Variants in VPS13C observed in about 807,000 individuals in gnomAD.
VPS13C encodes the protein intermembrane lipid transfer protein VPS13C.
VPS13C carries 358 observed loss-of-function variants against 456.8 expected under a neutral mutation model. The observed-to-expected ratio is 0.78, with a 90% confidence interval of 0.72 to 0.86. The LOEUF (loss-of-function observed/expected upper bound fraction) is 0.86, where lower values mean the gene tolerates loss of function less well. VPS13C is among the 40% of genes least tolerant of loss of function. VPS13C has a pLI of 0.00. For synonymous variants in VPS13C, 1,578 were observed against 1,486.7 expected (o/e 1.06, Z -1.41); for missense variants, 4,818 against 4,385.4 (o/e 1.10, Z -2.79).
chr15:61,999,108 G>A (rs1345311293), intron 16 of VPS13C, among the ~76,000 whole-genome samples: 2 of 152,154 alleles, frequency 1.3e-5, no homozygotes, highest in Non-Finnish European at 2.9e-5. Flanking sequence ...GCCAGGCACG[G>A]TGGCTCATGC....
In VPS13C at chr15:61,917,391, A is replaced by G; in HGVS notation, c.8005T>C (p.Ser2669Pro). The change falls in exon 60 of 85, where the codon TCT becomes CCT. Residue 2669 changes from serine to proline, a missense_variant. Coordinates refer to ENST00000644861, the MANE Select transcript of VPS13C (RefSeq NM_020821.3). ...DVAYIIHLYP[S>P]LTLRNLLPYS... is the part of the protein sequence containing the mutation. ...GGGAGAAGATTCCGCAAAGTGAGAGAAGGATAAAGATGAATAATGTAAGCT... is the reference window on the plus strand; with the variant it reads ...GGGAGAAGATTCCGCAAAGTGAGAGGAGGATAAAGATGAATAATGTAAGCT... 6.2e-7 allele frequency: 1 copy of G among 1,613,988 alleles called. No individual in the cohort carries two copies. The highest frequency in any genetic ancestry group is 1.7e-5 in the Admixed American group (1 of 60,010).
chr15:62,054,763 G>C (rs557281726), intron 1 of VPS13C, among the ~76,000 whole-genome samples: 2 of 151,470 alleles, frequency 1.3e-5, no homozygotes, highest in East Asian at 3.9e-4. Flanking sequence ...GGAAGAAGAA[G>C]AAGAATATTA....
chr15:61,926,340 T>C (rs1567012156), intron 52 of VPS13C, among the ~76,000 whole-genome samples: 1 of 152,166 alleles, frequency 6.6e-6, no homozygotes, highest in South Asian at 2.1e-4. Context: ...TTTGAGGCTG[T>C]AGTGAGCTAA....
intron 75 of VPS13C, among the ~76,000 whole-genome samples, chr15:61,876,051 C>A (rs1364802757): frequency 6.6e-6 from 1 of 152,006 alleles, no homozygotes; most frequent in Non-Finnish European, 1.5e-5. Flanking sequence ...TTAGACAGAA[C>A]TAGGTTTGAC....
At chr15:61,864,224 T>C (rs1019740734) in intron 81 of VPS13C, 88 of 655,768 alleles carry the variant, frequency 1.3e-4, no homozygotes, top group Non-Finnish European at 1.6e-4. Context: ...AATATTAATA[T>C]GAACAATTTC....
At chr15:61,856,512 A>C in intron 82 of VPS13C, 103 bp from the exon 83 acceptor site, 1 of 1,344,282 alleles carries the variant, frequency 7.4e-7, no homozygotes, top group Non-Finnish European at 1.0e-6. Context: ...CTTGCTTAGT[A>C]AACAATATAA....
intron 7 of VPS13C, 27 bp downstream of exon 7, chr15:62,023,753 C>T (rs1265642661): frequency 6.3e-7 from 1 of 1,587,416 alleles, no homozygotes; most frequent in Admixed American, 1.7e-5. Context: ...ATAAACAACA[C>T]CATGGCATAA....
chr15:62,034,826 G>A (rs1286024892), intron 4 of VPS13C, 131 bp downstream of exon 4: 6 of 527,906 alleles, frequency 1.1e-5, no homozygotes, highest in Admixed American at 3.7e-5. Flanking sequence ...GCATATAAGT[G>A]CATCTATGTA....
chr15:61,995,773 C>T (rs1596447723), intron 16 of VPS13C, among the ~76,000 whole-genome samples: 4 of 152,328 alleles, frequency 2.6e-5, no homozygotes, highest in Admixed American at 2.6e-4. Flanking sequence ...CCCAAACCAA[C>T]ATCTTGCAAT....
chr15:61,991,702 T>C lies in VPS13C; in HGVS notation c.1454A>G (p.Lys485Arg), dbSNP rs773561618. Residue 485 changes from lysine (K) to arginine (R), a missense_variant, in exon 17 of 85, where the codon AAA becomes AGA. Lys to Arg is a conservative substitution (Grantham distance 26). This residue lies in a region of VPS13C where 4,552 missense variants were observed against 4,130.6 expected (regional missense o/e 1.10). Transcript: ENST00000644861. ...SGLWGKKESK[K>R]KDEESLIPET... ...AGGAATCAATGATTCTTCGTCCTTT[T>C]TCTTAGACTCTTTCTTACCCCACAA... 6 of 1,612,848 alleles carry C rather than the reference T, an allele frequency of 3.7e-6. No homozygotes were observed. Among genetic ancestry groups the C allele is most frequent in the South Asian group, 1.1e-5 (1 of 90,756 alleles).
chr15:61,863,393 C>G (rs752100032), intron 82 of VPS13C, 47 bp downstream of exon 82: 6 of 1,428,468 alleles, frequency 4.2e-6, no homozygotes, highest in Non-Finnish European at 5.8e-6. Flanking sequence ...TTCTTGTGAC[C>G]TATGCAACTA....
At chr15:62,037,754 T>C (rs1044456223) in intron 3 of VPS13C, among the ~76,000 whole-genome samples, 4 of 151,886 alleles carry the variant, frequency 2.6e-5, no homozygotes, top group African/African-American at 9.7e-5. Flanking sequence ...AGGATTTCAG[T>C]GAAGCATATA....
chr15:61,922,177 T>C, intron 54 of VPS13C, 144 bp from the exon 55 acceptor site: 1 of 1,047,384 alleles, frequency 9.5e-7, no homozygotes, highest in Non-Finnish European at 1.4e-6. Flanking sequence ...AGAGTGTATT[T>C]TCCTTTACTC....
intron 3 of VPS13C, among the ~76,000 whole-genome samples, chr15:62,036,713 T>C (rs2140668684): frequency 6.6e-6 from 1 of 152,226 alleles, no homozygotes; most frequent in Middle Eastern, 3.4e-3. Context: ...AGGGACTGTC[T>C]GTTCCCTAAA....
intron 9 of VPS13C, among the ~76,000 whole-genome samples, chr15:62,019,840 T>C (rs1207183395): frequency 6.6e-6 from 1 of 151,446 alleles, no homozygotes; most frequent in Non-Finnish European, 1.5e-5. Flanking sequence ...TCCTGTACTG[T>C]CCTTAACTTT....
At position 61,867,310 on chromosome 15, in the gene VPS13C, T is replaced by C; in HGVS notation, c.10863+1349A>G. 1.0e-6 allele frequency: 1 copy of C among 985,028 alleles called. No individual in the cohort carries two copies. Among genetic ancestry groups the C allele is most frequent in the Non-Finnish European group, 1.2e-6 (1 of 829,552 alleles). 61.0% of individuals were successfully genotyped at this position (985,028 alleles called of 1,614,324 possible). ...AATTATAAAATGGCTATCATTTATTTAGCAACAGTACCAAGGGGTTAAATA... is the reference window on the plus strand; with the variant it reads ...AATTATAAAATGGCTATCATTTATTCAGCAACAGTACCAAGGGGTTAAATA... On this transcript the variant is annotated intron_variant, in intron 81 of 84. Transcript: ENST00000644861. This position sits in a 1 kb window ranked among gnomAD's most constrained non-coding sequence, Gnocchi z 5.0.
Position 61,967,367 on chromosome 15 carries a change from C to T in VPS13C, c.2991+1G>A, listed in dbSNP as rs781426095. On this transcript the variant is annotated splice_donor_variant, in intron 29 of 84. Coordinates refer to ENST00000644861, the MANE Select transcript of VPS13C (RefSeq NM_020821.3). LOFTEE classifies it high-confidence loss of function. Reference sequence around the variant, plus strand: ...ATATATAATCATTCTATAGCCCTTACCTTAATATACTCCACTTTCAAAAGA... The same window carrying T: ...ATATATAATCATTCTATAGCCCTTATCTTAATATACTCCACTTTCAAAAGA... 6.2e-6 allele frequency: 10 copies of T among 1,602,228 alleles called. No individual in the cohort carries two copies. The African/African-American group carries it at 1.4e-4, about 22-fold the overall frequency.
chr15:61,991,881 A>T, intron 16 of VPS13C, 79 bp from the exon 17 acceptor site: 1 of 1,455,968 alleles, frequency 6.9e-7, no homozygotes, highest in Non-Finnish European at 9.2e-7. Context: ...AAAAAAAAAC[A>T]ATGGTTCTTT....
At chr15:61,964,167 G>GA (rs1238973815) in intron 31 of VPS13C, among the ~76,000 whole-genome samples, 2 of 151,958 alleles carry the variant, frequency 1.3e-5, no homozygotes, top group Admixed American at 6.6e-5. Context: ...AAAAGCAAGA[G>GA]AAAAAACTAC....
Sources: allele counts gnomAD v4.1 joint callset (sites outside exome capture counted in the v4.1 genomes callset), GRCh38; gene constraint gnomAD v4.1.1; regional missense constraint gnomAD v4.1.1; non-coding constraint Gnocchi (gnomAD v3.1); transcripts MANE v1.5; gene names NCBI Gene and HGNC (gene_info 2026-07-23, HGNC 2026-07-21).